The following CD40LG variants were observed in gnomAD, a reference collection of about 807,000 sequenced individuals.
CD40LG encodes the protein CD40 ligand.
A neutral mutation model predicts 17.2 loss-of-function variants in CD40LG; 1 was observed. That is an observed-to-expected ratio of 0.06 (90% confidence interval 0.02 to 0.28). CD40LG has a LOEUF of 0.28. Among genes scored for constraint, CD40LG ranks in the 10% least tolerant of loss-of-function variants. The probability of loss-of-function intolerance (pLI) is 1.00; values close to 1 mark genes in which losing one functional copy is unlikely to be tolerated. For synonymous variants in CD40LG, 66 were observed against 74.4 expected (o/e 0.89, Z 0.58); for missense variants, 133 against 193.2 (o/e 0.69, Z 1.85).
intron 3 of CD40LG, among the ~76,000 whole-genome samples, chrX:136,655,321 C>A (rs1160197434): frequency 1.8e-5 from 2 of 111,884 alleles, no homozygotes; most frequent in African/African-American, 6.5e-5. Context: ...CTTTCCAGGA[C>A]CTTTCTTCTG....
At position 136,659,623 on chromosome X, in the gene CD40LG, G is replaced by A. The variant is rs1431815998; in HGVS notation, c.*208G>A. 1.2e-5 allele frequency: 5 copies of A among 428,981 alleles called. No individual in the cohort carries two copies. Among genetic ancestry groups the A allele is most frequent in the South Asian group, 8.0e-5 (2 of 24,865 alleles). The allele number at this position is 428,981 out of a possible 1,213,427, so 35.4% of individuals were successfully genotyped here. A position where few individuals can be genotyped will look rare whatever the true frequency, so the allele number is the denominator to read the frequency against. On this transcript the variant is annotated 3_prime_UTR_variant, in exon 5 of 5. Coordinates refer to ENST00000370629, the MANE Select transcript of CD40LG (RefSeq NM_000074.3). Reference sequence around the variant, plus strand: ...AACCAAAACGGGCCCTGCTCCATAAGAGCTTATATATCTGAAGCAGCAACC... The same window carrying A: ...AACCAAAACGGGCCCTGCTCCATAAAAGCTTATATATCTGAAGCAGCAACC...
At position 136,648,421 on chromosome X, in the gene CD40LG, G is replaced by A. The variant is rs755782893; in HGVS notation, c.156+17G>A. 2.2e-5 allele frequency: 27 copies of A among 1,200,062 alleles called. No homozygotes were observed. The South Asian group carries it at 3.7e-4, about 16-fold the overall frequency. On this transcript the variant is annotated intron_variant, in intron 1 of 4. Transcript: ENST00000370629. ...TTGGACAAGGTAAGATGAACCACAA[G>A]CCTTTATTAACTAAATTTGGGGTCC...
chrX:136,649,421 G>A (rs1216393645), intron 1 of CD40LG, among the ~76,000 whole-genome samples: 3 of 112,399 alleles, frequency 2.7e-5, no homozygotes, highest in Non-Finnish European at 5.6e-5. Context: ...TTTCACTGCT[G>A]ACAAAAGAGG....
intron 3 of CD40LG, 94 bp downstream of exon 3, chrX:136,654,524 G>T (rs1012824438): frequency 5.3e-5 from 35 of 658,960 alleles, no homozygotes; most frequent in Non-Finnish European, 8.2e-5. Flanking sequence ...TGTTGCATCA[G>T]GGAACTTTTA....
At chrX:136,656,812 T>C (rs752538015) in intron 4 of CD40LG, among the ~76,000 whole-genome samples, 1 of 111,742 alleles carries the variant, frequency 8.9e-6, no homozygotes, top group South Asian at 3.8e-4. Context: ...CTGCCATCTG[T>C]CAATCCCTGT....
In CD40LG at chrX:136,648,292, C is replaced by T. The variant is rs1289706273; in HGVS notation, c.44C>T (p.Thr15Ile). ...YNQTSPRSAA[T>I]GLPISMKIFM... Reference sequence around the variant, plus strand: ...CAAACTTCTCCCCGATCTGCGGCCACTGGACTGCCCATCAGCATGAAAATT... The same window carrying T: ...CAAACTTCTCCCCGATCTGCGGCCATTGGACTGCCCATCAGCATGAAAATT... The change falls in exon 1 of 5, where the codon ACT (threonine) becomes ATT (isoleucine). Residue 15 changes from threonine (T) to isoleucine (I), a missense_variant. Coordinates refer to ENST00000370629, the MANE Select transcript of CD40LG (RefSeq NM_000074.3). 2.5e-6 allele frequency: 3 copies of T among 1,202,401 alleles called. No homozygotes were observed. Among genetic ancestry groups the T allele is most frequent in the South Asian group, 1.8e-5 (1 of 56,780 alleles).
chrX:136,653,469 G>A (rs1254653818), intron 2 of CD40LG, among the ~76,000 whole-genome samples: 3 of 112,744 alleles, frequency 2.7e-5, no homozygotes, highest in Admixed American at 9.3e-5. Flanking sequence ...TCCCTTGTGT[G>A]CAGAGGATAG....
In CD40LG at chrX:136,658,689, T is replaced by C. The variant is rs1381660701; in HGVS notation, c.410-350T>C. ...TTATGATGTCAAATTTTGAAATCAT[T>C]TGTGCCTTCTTAAGTTCAAGGCAAA... is the stretch of plus-strand genomic sequence containing the variant. On this transcript the variant is annotated intron_variant, in intron 4 of 4. Transcript: ENST00000370629. 2.7e-5 allele frequency among the ~76,000 whole-genome samples: 3 copies of C among 112,205 alleles called. No homozygotes were observed. The East Asian group carries it at 8.4e-4, about 31-fold the overall frequency.
At chrX:136,656,794 G>A (rs767425307) in intron 4 of CD40LG, among the ~76,000 whole-genome samples, 1 of 111,465 alleles carries the variant, frequency 9.0e-6, no homozygotes, top group East Asian at 2.8e-4. Context: ...GGCCTCATGG[G>A]GTATTTCCTG....
chrX:136,648,990 T>C (rs1225013346), intron 1 of CD40LG, among the ~76,000 whole-genome samples: 2 of 112,413 alleles, frequency 1.8e-5, no homozygotes, highest in Non-Finnish European at 3.8e-5. Flanking sequence ...GCACTGATTG[T>C]AGTTGCAGGA....
Position 136,659,430 on chromosome X carries a change from C to A in CD40LG, c.*15C>A. On this transcript the variant is annotated 3_prime_UTR_variant, in exon 5 of 5. Transcript: ENST00000370629. ...TCAAACTCTGAACAGTGTCACCTTG[C>A]AGGCTGTGGTGGAGCTGACGCTGGG... The A allele has an allele frequency of 8.3e-7, 1 of 1,206,534 alleles. No individual in the cohort carries two copies. The highest frequency in any genetic ancestry group is 1.1e-6 in the Non-Finnish European group (1 of 893,998).
chrX:136,654,037 C>T (rs988325845), intron 2 of CD40LG, among the ~76,000 whole-genome samples: 1 of 111,969 alleles, frequency 8.9e-6, no homozygotes, highest in Non-Finnish European at 1.9e-5. Flanking sequence ...CCCCATTCGG[C>T]ATTATTTGTC....
chrX:136,655,237 G>A (rs2076115680), intron 3 of CD40LG, among the ~76,000 whole-genome samples: 1 of 111,448 alleles, frequency 9.0e-6, no homozygotes, highest in African/African-American at 3.3e-5. Context: ...CAATCATGGT[G>A]GCCAAGCCTT....
At chrX:136,655,913 G>C (rs2076117806) in intron 3 of CD40LG, among the ~76,000 whole-genome samples, 1 of 112,204 alleles carries the variant, frequency 8.9e-6, no homozygotes, top group Non-Finnish European at 1.9e-5. Flanking sequence ...TTAGGGAGCA[G>C]GGCTTTAACA....
intron 2 of CD40LG, among the ~76,000 whole-genome samples, chrX:136,652,658 A>G (rs2076107351): frequency 9.0e-6 from 1 of 111,483 alleles, no homozygotes; most frequent in African/African-American, 3.3e-5. Context: ...TTTGGGGGAA[A>G]GATGGTATTC....
intron 2 of CD40LG, 106 bp from the exon 3 acceptor site, chrX:136,654,267 C>G: frequency 6.5e-6 from 4 of 610,953 alleles, no homozygotes; most frequent in Non-Finnish European, 1.1e-5. Context: ...TAATCCTCAC[C>G]AGAAACAGAC....
At chrX:136,656,457 G>T (rs750722124) in intron 4 of CD40LG, 39 bp downstream of exon 4, 1 of 1,096,506 alleles carries the variant, frequency 9.1e-7, no homozygotes, top group East Asian at 3.0e-5. Context: ...CACCCAAGGG[G>T]AAAGGCTGGG....
intron 4 of CD40LG, 112 bp downstream of exon 4, chrX:136,656,530 C>G: frequency 1.6e-6 from 1 of 614,993 alleles, no homozygotes; most frequent in Non-Finnish European, 2.8e-6. Flanking sequence ...AATTTACAAA[C>G]CTACCCCTAC....
At chrX:136,655,006 G>A (rs1012731466) in intron 3 of CD40LG, among the ~76,000 whole-genome samples, 22 of 111,124 alleles carry the variant, frequency 2.0e-4, no homozygotes, top group Admixed American at 1.3e-3. Context: ...CAAACATGTC[G>A]AGGGATGAGG....
Sources: gnomAD v4.1 joint callset for allele counts (sites outside exome capture counted in the v4.1 genomes callset) on GRCh38, gnomAD v4.1.1 for gene constraint, MANE v1.5 for transcripts, NCBI Gene and HGNC (gene_info 2026-07-23, HGNC 2026-07-21) for gene names.